The following TNS3 variants were observed in gnomAD, a reference collection of about 807,000 sequenced individuals.
TNS3 encodes the protein tensin-3.
TNS3 carries 45 observed loss-of-function variants against 140.9 expected under a neutral mutation model. That is an observed-to-expected ratio of 0.32 (90% CI 0.25 to 0.41). The LOEUF (loss-of-function observed/expected upper bound fraction) is 0.41, where lower values mean the gene tolerates loss of function less well. Among genes scored for constraint, TNS3 ranks in the 10% least tolerant of loss-of-function variants. The pLI is 1.00. For missense variants in TNS3, 1,716 were observed against 1,906.7 expected (o/e 0.90, Z 1.86); for synonymous variants, 815 against 788.4 (o/e 1.03, Z -0.56).
Position 47,275,534 on chromosome 7 carries a change from T to A in TNS3, c.*2542A>T. Reference sequence around the variant, plus strand: ...CTGGAGACAAAATGCCTGGAAACGTTCCTTTTCCTGTGGCCCTAGAGCCGG... The same window carrying A: ...CTGGAGACAAAATGCCTGGAAACGTACCTTTTCCTGTGGCCCTAGAGCCGG... On this transcript the variant is annotated 3_prime_UTR_variant, in exon 31 of 31. Transcript: ENST00000311160. 1 of 315,656 alleles carries A rather than the reference T, an allele frequency of 3.2e-6. No individual in the cohort carries two copies. Among genetic ancestry groups the A allele is most frequent in the Non-Finnish European group, 6.2e-6 (1 of 161,446 alleles). 19.6% of individuals were successfully genotyped at this position (315,656 alleles called of 1,614,324 possible). A position where few individuals can be genotyped will look rare whatever the true frequency, so the allele number is the denominator to read the frequency against.
At chr7:47,471,981 G>C (rs781372958) in intron 4 of TNS3, among the ~76,000 whole-genome samples, 1 of 152,256 alleles carries the variant, frequency 6.6e-6, no homozygotes, top group Non-Finnish European at 1.5e-5. Context: ...CTGGAGGTCT[G>C]AAACCAAGGC....
At chr7:47,387,053 C>A (rs1239442504) in intron 16 of TNS3, among the ~76,000 whole-genome samples, 1 of 152,198 alleles carries the variant, frequency 6.6e-6, no homozygotes, top group African/African-American at 2.4e-5. Context: ...GAGTAAGTGA[C>A]AATTTATATG....
At chr7:47,400,735 G>T in intron 14 of TNS3, 50 bp downstream of exon 14, 1 of 1,603,164 alleles carries the variant, frequency 6.2e-7, no homozygotes, top group South Asian at 1.1e-5. Flanking sequence ...AACCAAGGAG[G>T]TTCAACCGCA....
At chr7:47,551,567 T>C (rs1800063578) in intron 1 of TNS3, among the ~76,000 whole-genome samples, 1 of 152,204 alleles carries the variant, frequency 6.6e-6, no homozygotes, top group South Asian at 2.1e-4. Flanking sequence ...AGTGGAATAA[T>C]TCATGCCTTG....
chr7:47,389,479 T>C (rs1385267771), intron 16 of TNS3, among the ~76,000 whole-genome samples: 1 of 152,192 alleles, frequency 6.6e-6, no homozygotes, highest in African/African-American at 2.4e-5. Flanking sequence ...TTCTGCAAAC[T>C]TGTACAGGAC....
rs1797032871 is a variant in TNS3, at chr7:47,473,244, T to C, written c.-76+7859A>G. Among the ~76,000 whole-genome samples the C allele has an allele frequency of 4.6e-5, 7 of 152,230 alleles. No homozygotes were observed. The South Asian group carries it at 1.4e-3, about 32-fold the overall frequency. ...CTGACTTTTGCCAAAGCCACAGATG[T>C]TGAGTTTGGCTCTTCTGACCAAATG... On this transcript the variant is annotated intron_variant, in intron 4 of 30. Transcript: ENST00000311160.
chr7:47,319,455 T>C (rs976043892), intron 20 of TNS3, among the ~76,000 whole-genome samples: 2 of 152,042 alleles, frequency 1.3e-5, no homozygotes, highest in African/African-American at 4.8e-5. Flanking sequence ...CCAGGCTCTT[T>C]TTGACAATCA....
In TNS3 at chr7:47,383,167, G is replaced by T. The variant is rs112376866; in HGVS notation, c.1025-13546C>A. The stretch of plus-strand genomic sequence containing the variant: ...GACAAAAAGTGTTACGAGCCCAAAT[G>T]CACACCAGCTAACAAATGAATAGGC... On this transcript the variant is annotated intron_variant, in intron 16 of 30. Coordinates refer to ENST00000311160, the MANE Select transcript of TNS3 (RefSeq NM_022748.12). 9.0e-3 allele frequency among the ~76,000 whole-genome samples: 1,378 copies of T among 152,328 alleles called. 24 individuals carry two copies. Among genetic ancestry groups the T allele is most frequent in the African/African-American group, 0.032 (1,314 of 41,576 alleles).
chr7:47,282,599 T>TGA (rs1231316681), intron 28 of TNS3, among the ~76,000 whole-genome samples: 1 of 152,208 alleles, frequency 6.6e-6, no homozygotes, highest in African/African-American at 2.4e-5. Flanking sequence ...GGGCACTTGC[T>TGA]GAGTGCCCTT....
At chr7:47,319,390 A>G (rs1287354839) in intron 20 of TNS3, among the ~76,000 whole-genome samples, 1 of 151,966 alleles carries the variant, frequency 6.6e-6, no homozygotes, top group African/African-American at 2.4e-5. Flanking sequence ...AGAGAGAGAG[A>G]GTGAGAGAGT....
At chr7:47,506,780 C>T in intron 3 of TNS3, 127 bp downstream of exon 3, 1 of 609,242 alleles carries the variant, frequency 1.6e-6, no homozygotes, top group Non-Finnish European at 2.5e-6. Flanking sequence ...CACCGTACCC[C>T]AGCCCTGGCT....
At chr7:47,483,171 AT>A (rs10716006) in intron 3 of TNS3, among the ~76,000 whole-genome samples, 94,902 of 139,492 alleles carry the variant, frequency 0.68, 35,009 homozygotes, top group Non-Finnish European at 0.83. Context: ...AGTGTGTCCA[AT>A]TTTTTTTTTT....
intron 1 of TNS3, among the ~76,000 whole-genome samples, chr7:47,533,344 C>A (rs528231402): frequency 2.7e-5 from 4 of 150,466 alleles, no homozygotes; most frequent in Non-Finnish European, 5.9e-5. Context: ...GTTGGTCAGG[C>A]TGGTCTCGAA....
At chr7:47,548,657 G>C (rs1393339448) in intron 1 of TNS3, among the ~76,000 whole-genome samples, 1 of 152,028 alleles carries the variant, frequency 6.6e-6, no homozygotes, top group Non-Finnish European at 1.5e-5. Flanking sequence ...CTAAGTTTCA[G>C]GGTGCCTGGG....
intron 7 of TNS3, among the ~76,000 whole-genome samples, chr7:47,436,179 T>A (rs1325791248): frequency 6.6e-6 from 1 of 152,208 alleles, no homozygotes; most frequent in Non-Finnish European, 1.5e-5. Context: ...AGATAACCAC[T>A]GCAATGTTTT....
intron 13 of TNS3, among the ~76,000 whole-genome samples, chr7:47,410,008 G>A (rs551327539): frequency 2.6e-5 from 4 of 152,310 alleles, no homozygotes; most frequent in African/African-American, 9.6e-5. Context: ...AGTGGGTGGA[G>A]GAGTAAAGTG....
At chr7:47,410,964 A>C (rs1455397683) in intron 13 of TNS3, among the ~76,000 whole-genome samples, 1 of 152,254 alleles carries the variant, frequency 6.6e-6, no homozygotes, top group Admixed American at 6.5e-5. Flanking sequence ...ATAAGAATCA[A>C]AATTATCTGG....
intron 16 of TNS3, among the ~76,000 whole-genome samples, chr7:47,371,081 C>T (rs1791046770): frequency 6.6e-6 from 1 of 152,148 alleles, no homozygotes; most frequent in Non-Finnish European, 1.5e-5. Context: ...AGAGTGGACA[C>T]AGGGGTATGG....
At chr7:47,287,258 C>T (rs1364259756) in intron 27 of TNS3, among the ~76,000 whole-genome samples, 1 of 152,104 alleles carries the variant, frequency 6.6e-6, no homozygotes, top group African/African-American at 2.4e-5. Flanking sequence ...AGAACCGAGG[C>T]TTAAAACACA....
Sources: allele counts gnomAD v4.1 joint callset (sites outside exome capture counted in the v4.1 genomes callset), GRCh38; gene constraint gnomAD v4.1.1; transcripts MANE v1.5; gene names NCBI Gene and HGNC (gene_info 2026-07-23, HGNC 2026-07-21).